The following APLP2 variants were observed in gnomAD, a reference collection of about 807,000 sequenced individuals.
The protein encoded by APLP2 is CDEI box-binding protein.
APLP2 carries 53 observed loss-of-function variants against 89.9 expected under a neutral mutation model. The ratio of observed to expected loss-of-function variants is 0.59; its 90% CI spans 0.47 to 0.74. The LOEUF (loss-of-function observed/expected upper bound fraction) is 0.74. Ranked by LOEUF, APLP2 falls within the 30% of genes least tolerant of loss-of-function variation. The pLI, the probability that APLP2 is intolerant of heterozygous loss-of-function variation, is 0.00. For missense variants in APLP2, 973 were observed against 975.9 expected (o/e 1.00, Z 0.04); for synonymous variants, 372 against 348.6 (o/e 1.07, Z -0.75).
intron 9 of APLP2, 118 bp from the exon 10 acceptor site, chr11:130,128,930 C>G (rs932421400): frequency 8.6e-7 from 1 of 1,157,262 alleles, no homozygotes; most frequent in African/African-American, 1.6e-5. Context: ...CTCCACTCTC[C>G]GAACCTGTTA....
chr11:130,088,839 A>G (rs950326383), intron 1 of APLP2, among the ~76,000 whole-genome samples: 1 of 152,044 alleles, frequency 6.6e-6, no homozygotes, highest in African/African-American at 2.4e-5. Context: ...TTCACATTGC[A>G]CAGTCTCCCC....
chr11:130,135,489 C>T, intron 12 of APLP2, 74 bp from the exon 13 acceptor site: 2 of 1,533,064 alleles, frequency 1.3e-6, no homozygotes, highest in Non-Finnish European at 1.8e-6. Flanking sequence ...GGTCTTGGAG[C>T]TCTAGAGCAT....
intron 3 of APLP2, among the ~76,000 whole-genome samples, chr11:130,113,970 T>G (rs750133378): frequency 2.0e-5 from 3 of 152,186 alleles, no homozygotes; most frequent in Non-Finnish European, 4.4e-5. Flanking sequence ...GGTTTGTTGT[T>G]TTTTGAATCA....
intron 1 of APLP2, chr11:130,070,425 GAC>G: frequency 1.4e-6 from 1 of 696,068 alleles, no homozygotes; most frequent in South Asian, 7.2e-5. Context: ...CCTCCCCCGG[GAC>G]AATGCCAGGG....
At chr11:130,096,901 G>A (rs1301368010) in intron 1 of APLP2, among the ~76,000 whole-genome samples, 1 of 152,176 alleles carries the variant, frequency 6.6e-6, no homozygotes, top group Non-Finnish European at 1.5e-5. Flanking sequence ...AGCCAGTGCA[G>A]CAAGCAGTAA....
At chr11:130,098,234 A>C (rs1423825508) in intron 1 of APLP2, among the ~76,000 whole-genome samples, 1 of 151,992 alleles carries the variant, frequency 6.6e-6, no homozygotes, top group African/African-American at 2.4e-5. Flanking sequence ...GTGAAACCCC[A>C]TCTCTACTAA....
chr11:130,070,030 T>C lies in APLP2; in HGVS notation c.53T>C (p.Leu18Pro). The C allele has an allele frequency of 1.3e-6, 2 of 1,514,458 alleles. No individual in the cohort carries two copies. The highest frequency in any genetic ancestry group is 1.8e-6 in the Non-Finnish European group (2 of 1,138,804). 93.8% of individuals were successfully genotyped at this position (1,514,458 alleles called of 1,614,324 possible). Residue 18 changes from leucine to proline, a missense_variant, in exon 1 of 17, where the codon CTG becomes CCG. Coordinates refer to ENST00000338167, the MANE Select transcript of APLP2 (RefSeq NM_001142276.2). ...AAAATGRLLL[L>P]LLVGLTAPAL... The stretch of plus-strand genomic sequence containing the variant: ...GCAGCCACGGGCAGGCTCCTGCTTC[T>C]GCTGCTGGTGGGGCTCACGGCGCCT...
intron 1 of APLP2, among the ~76,000 whole-genome samples, chr11:130,098,531 G>GT (rs1474321413): frequency 6.6e-6 from 1 of 152,180 alleles, no homozygotes; most frequent in Non-Finnish European, 1.5e-5. Flanking sequence ...CATGTTTGTG[G>GT]TTTTAACCTC....
intron 1 of APLP2, among the ~76,000 whole-genome samples, chr11:130,108,088 G>A (rs1948037102): frequency 6.6e-6 from 1 of 152,176 alleles, no homozygotes; most frequent in Non-Finnish European, 1.5e-5. Context: ...AGACTTAAAT[G>A]TTAGACTTAA....
intron 16 of APLP2, among the ~76,000 whole-genome samples, chr11:130,143,016 C>G (rs1458641292): frequency 6.6e-6 from 1 of 152,192 alleles, no homozygotes; most frequent in Non-Finnish European, 1.5e-5. Context: ...TGCTAGCCTA[C>G]TGCTGACTGG....
chr11:130,107,750 T>A (rs1947978381), intron 1 of APLP2, among the ~76,000 whole-genome samples: 4 of 152,182 alleles, frequency 2.6e-5, no homozygotes, highest in South Asian at 2.1e-4. Context: ...AGAGCCCGCG[T>A]TGCCAAGTCA....
intron 11 of APLP2, among the ~76,000 whole-genome samples, chr11:130,130,886 C>T (rs1308359800): frequency 6.6e-6 from 1 of 152,202 alleles, no homozygotes; most frequent in Non-Finnish European, 1.5e-5. Context: ...CCCACAGCTG[C>T]TATGAGTGTG....
At chr11:130,071,864 G>A (rs1171779403) in intron 1 of APLP2, among the ~76,000 whole-genome samples, 1 of 151,666 alleles carries the variant, frequency 6.6e-6, no homozygotes, top group Non-Finnish European at 1.5e-5. Context: ...TCTTTCAAGG[G>A]GCCTTTTGTC....
At chr11:130,109,675 G>C in intron 2 of APLP2, 73 bp downstream of exon 2, 1 of 1,471,278 alleles carries the variant, frequency 6.8e-7, no homozygotes. Flanking sequence ...CTTAGAAATA[G>C]ATATTCTGTC....
chr11:130,080,963 A>G (rs1260274278), intron 1 of APLP2, among the ~76,000 whole-genome samples: 6 of 151,956 alleles, frequency 3.9e-5, no homozygotes, highest in Non-Finnish European at 8.8e-5. Context: ...TGCTGGGATT[A>G]CAGGCGTGAG....
At chr11:130,080,598 C>T (rs1942966846) in intron 1 of APLP2, among the ~76,000 whole-genome samples, 1 of 152,014 alleles carries the variant, frequency 6.6e-6, no homozygotes, top group Admixed American at 6.6e-5. Flanking sequence ...TACCTGGAGC[C>T]TGAGGACACT....
intron 1 of APLP2, among the ~76,000 whole-genome samples, chr11:130,080,803 TCTC>T (rs1367081044): frequency 6.7e-6 from 1 of 149,324 alleles, no homozygotes; most frequent in African/African-American, 2.5e-5. Context: ...TTCACGCCAT[TCTC>T]CTGACTCAGC....
At chr11:130,118,676 G>A (rs990081214) in intron 3 of APLP2, among the ~76,000 whole-genome samples, 5 of 152,172 alleles carry the variant, frequency 3.3e-5, no homozygotes, top group African/African-American at 9.7e-5. Context: ...GTTCATTCTC[G>A]TAGAGGCAGA....
At chr11:130,091,555 C>T (rs1591779908) in intron 1 of APLP2, among the ~76,000 whole-genome samples, 2 of 141,092 alleles carry the variant, frequency 1.4e-5, no homozygotes, top group East Asian at 4.5e-4. Context: ...GACCCCCCCA[C>T]CTCCCTCCCG....
Sources: gnomAD v4.1 joint callset for allele counts (sites outside exome capture counted in the v4.1 genomes callset) on GRCh38, gnomAD v4.1.1 for gene constraint, MANE v1.5 for transcripts, NCBI Gene and HGNC (gene_info 2026-07-23, HGNC 2026-07-21) for gene names.